The following NDST4 variants were observed in gnomAD, a reference collection of about 807,000 sequenced individuals.
NDST4 encodes N-deacetylase and N-sulfotransferase 4.
In NDST4, 63 loss-of-function variants were observed where a neutral mutation model predicts 100.8. The observed-to-expected ratio is 0.62, with a 90% CI of 0.51 to 0.77. NDST4 has a LOEUF of 0.77. Among genes scored for constraint, NDST4 ranks in the 30% least tolerant of loss-of-function variants. The pLI is 0.00. For synonymous variants in NDST4, 377 were observed against 361.8 expected, an observed-to-expected ratio of 1.04 and a Z score of -0.48; for missense variants, 943 against 1,018.4, an observed-to-expected ratio of 0.93 and a Z score of 1.01.
chr4:115,073,095 G>A (rs1028408231), intron 2 of NDST4, among the ~76,000 whole-genome samples: 3 of 151,990 alleles, frequency 2.0e-5, no homozygotes, highest in African/African-American at 7.2e-5. Flanking sequence ...TCAGGGAAAT[G>A]CGTGTCAAAA....
chr4:114,961,286 G>C (rs535381310), intron 4 of NDST4, among the ~76,000 whole-genome samples: 2 of 151,380 alleles, frequency 1.3e-5, no homozygotes, highest in Non-Finnish European at 2.9e-5. Context: ...TTATTTCTCC[G>C]TAAAACATTG....
chr4:114,951,082 A>G (rs1349091318), intron 4 of NDST4, among the ~76,000 whole-genome samples: 1 of 152,088 alleles, frequency 6.6e-6, no homozygotes, highest in Non-Finnish European at 1.5e-5. Context: ...GGAAGAAACA[A>G]GCAAAAAATA....
chr4:115,013,110 T>C (rs1727591224), intron 2 of NDST4, among the ~76,000 whole-genome samples: 1 of 150,874 alleles, frequency 6.6e-6, no homozygotes, highest in Non-Finnish European at 1.5e-5. Context: ...TATATGAAGA[T>C]ATAGTTAGAG....
intron 1 of NDST4, among the ~76,000 whole-genome samples, chr4:115,088,234 C>T (rs913398578): frequency 1.3e-5 from 2 of 151,854 alleles, no homozygotes; most frequent in African/African-American, 4.8e-5. Flanking sequence ...TGACTCCCTC[C>T]CACTAATGTT....
At chr4:115,100,159 G>A (rs74514792) in intron 1 of NDST4, among the ~76,000 whole-genome samples, 4,031 of 152,172 alleles carry the variant, frequency 0.026, 108 homozygotes, top group African/African-American at 0.064. Flanking sequence ...AGGTTTGGGA[G>A]CAGGGAGAGA....
intron 6 of NDST4, among the ~76,000 whole-genome samples, chr4:114,881,333 CTG>C (rs1338875831): frequency 1.3e-5 from 2 of 151,960 alleles, no homozygotes; most frequent in African/African-American, 4.8e-5. Context: ...CTCTAATGAT[CTG>C]TGTTTGATTT....
chr4:114,941,759 G>T (rs77563326), intron 4 of NDST4, among the ~76,000 whole-genome samples: 1 of 152,172 alleles, frequency 6.6e-6, no homozygotes, highest in Non-Finnish European at 1.5e-5. Flanking sequence ...GGTTCTGAGA[G>T]TCCCTGCAGG....
chr4:114,928,677 AC>A (rs975857776), intron 6 of NDST4, among the ~76,000 whole-genome samples: 2 of 152,032 alleles, frequency 1.3e-5, no homozygotes, highest in African/African-American at 4.8e-5. Context: ...CCAGTGCACA[AC>A]CCCTGTATTG....
At chr4:114,841,389 C>T (rs1029472272) in intron 10 of NDST4, among the ~76,000 whole-genome samples, 3 of 152,164 alleles carry the variant, frequency 2.0e-5, no homozygotes, top group Non-Finnish European at 4.4e-5. Flanking sequence ...TAATAGGCTA[C>T]ATTATTTTGA....
chr4:114,966,178 A>T (rs995683317), intron 4 of NDST4, among the ~76,000 whole-genome samples: 4 of 152,066 alleles, frequency 2.6e-5, no homozygotes, highest in Non-Finnish European at 4.4e-5. Flanking sequence ...ATGTGCATGG[A>T]GTAAGCATAA....
At chr4:114,959,836 A>G (rs1306883542) in intron 4 of NDST4, among the ~76,000 whole-genome samples, 2 of 152,216 alleles carry the variant, frequency 1.3e-5, no homozygotes, top group Admixed American at 1.3e-4. Context: ...GGGATTATCA[A>G]AAGAGTGAAG....
At chr4:115,060,502 G>T (rs539472234) in intron 2 of NDST4, among the ~76,000 whole-genome samples, 1 of 151,788 alleles carries the variant, frequency 6.6e-6, no homozygotes, top group Non-Finnish European at 1.5e-5. Flanking sequence ...TAAAATAGCT[G>T]TACAAACCTG....
intron 6 of NDST4, among the ~76,000 whole-genome samples, chr4:114,902,330 T>C (rs1326722739): frequency 1.3e-5 from 2 of 151,992 alleles, no homozygotes; most frequent in Non-Finnish European, 2.9e-5. Flanking sequence ...TTCTTCTTCA[T>C]AGTTAAAGGA....
At chr4:114,884,633 A>G (rs1724439417) in intron 6 of NDST4, among the ~76,000 whole-genome samples, 1 of 152,174 alleles carries the variant, frequency 6.6e-6, no homozygotes, top group Non-Finnish European at 1.5e-5. Context: ...AAGAAAAGTT[A>G]CATCAATATT....
At chr4:114,911,148 A>AG (rs1464695288) in intron 6 of NDST4, among the ~76,000 whole-genome samples, 1 of 151,578 alleles carries the variant, frequency 6.6e-6, no homozygotes, top group Non-Finnish European at 1.5e-5. Context: ...ACATTAAAAA[A>AG]TATAAACAGT....
intron 2 of NDST4, among the ~76,000 whole-genome samples, chr4:115,029,608 G>C (rs1365619719): frequency 6.6e-6 from 1 of 151,998 alleles, no homozygotes; most frequent in Non-Finnish European, 1.5e-5. Flanking sequence ...TATGATGTGG[G>C]GGCCGTTAGA....
At chr4:114,990,509 T>C (rs1228604772) in intron 2 of NDST4, among the ~76,000 whole-genome samples, 2 of 152,252 alleles carry the variant, frequency 1.3e-5, no homozygotes, top group Admixed American at 6.5e-5. Context: ...TTCTTTAGTT[T>C]GACATTGCAA....
intron 4 of NDST4, among the ~76,000 whole-genome samples, chr4:114,969,327 A>C (rs11728589): frequency 3.0e-5 from 4 of 135,242 alleles, no homozygotes; most frequent in South Asian, 2.2e-4. Context: ...AAAAGAAAAA[A>C]AAAAAAAAAA....
chr4:115,055,407 G>A (rs545464629), intron 2 of NDST4, among the ~76,000 whole-genome samples: 6 of 151,946 alleles, frequency 3.9e-5, no homozygotes, highest in Non-Finnish European at 5.9e-5. Flanking sequence ...AAAAGATTGG[G>A]GATCACTGGC....
Sources: allele counts gnomAD v4.1 joint callset (sites outside exome capture counted in the v4.1 genomes callset), GRCh38; gene constraint gnomAD v4.1.1; transcripts MANE v1.5; gene names NCBI Gene and HGNC (gene_info 2026-07-23, HGNC 2026-07-21).